The following DCLK2 variants were observed in gnomAD, a reference collection of about 807,000 sequenced individuals.
DCLK2 encodes the protein doublecortin like kinase 2.
In DCLK2, 31 loss-of-function variants were observed where a neutral mutation model predicts 78.4. That is an observed-to-expected ratio of 0.40 (90% CI 0.30 to 0.53). The LOEUF (loss-of-function observed/expected upper bound fraction) is 0.53, where lower values mean the gene tolerates loss of function less well. Ranked by LOEUF, DCLK2 falls within the 20% of genes least tolerant of loss-of-function variation. DCLK2 has a pLI of 0.61. For synonymous variants in DCLK2, 407 were observed against 374.9 expected, an observed-to-expected ratio of 1.09 and a Z score of -0.99; for missense variants, 872 against 973.7, an observed-to-expected ratio of 0.90 and a Z score of 1.39.
intron 2 of DCLK2, among the ~76,000 whole-genome samples, chr4:150,109,570 A>G (rs146760572): frequency 0.036 from 5,467 of 152,182 alleles, 205 homozygotes; most frequent in Admixed American, 0.084. Context: ...ATCTCCTGAC[A>G]TCGTGTTCCG....
At position 150,240,427 on chromosome 4, in the gene DCLK2, G is replaced by A. The variant is rs775186001; in HGVS notation, c.1729G>A (p.Ala577Thr). Reference protein sequence around the residue: ...GYGLKVDIWAAGVITYILLCG... With the variant: ...GYGLKVDIWATGVITYILLCG... ...TGGCCTGAAGGTGGACATTTGGGCA[G>A]CTGGTGTGATCACATACATACTTCT... is the stretch of plus-strand genomic sequence containing the variant. The change falls in exon 12 of 16, where the codon GCT becomes ACT. Residue 577 changes from alanine to threonine, a missense_variant. By Grantham distance (58) the Ala-to-Thr change is moderately conservative. Coordinates refer to ENST00000296550, the MANE Select transcript of DCLK2 (RefSeq NM_001040260.4). 4.3e-6 allele frequency: 7 copies of A among 1,613,850 alleles called. No individual in the cohort carries two copies. Among genetic ancestry groups the A allele is most frequent in the Non-Finnish European group, 5.9e-6 (7 of 1,179,882 alleles).
intron 1 of DCLK2, among the ~76,000 whole-genome samples, chr4:150,100,343 T>C (rs1730801232): frequency 6.6e-6 from 1 of 152,248 alleles, no homozygotes; most frequent in Non-Finnish European, 1.5e-5. Context: ...TCTGAACTTG[T>C]GTAAGGAAAC....
At position 150,244,928 on chromosome 4, in the gene DCLK2, G is replaced by A. The variant is rs546678477; in HGVS notation, c.1779-2675G>A. Reference sequence around the variant, plus strand: ...TTAGCTATTTATTAACAAAATAAAAGCTGTATACATTAACAAAATATAAGA... The same window carrying A: ...TTAGCTATTTATTAACAAAATAAAAACTGTATACATTAACAAAATATAAGA... On this transcript the variant is annotated intron_variant, in intron 12 of 15. Transcript: ENST00000296550. Among the ~76,000 whole-genome samples the A allele has an allele frequency of 7.2e-5, 11 of 152,168 alleles. No homozygotes were observed. The South Asian group carries it at 2.3e-3, about 32-fold the overall frequency.
At chr4:150,203,417 A>T (rs928223852) in intron 4 of DCLK2, among the ~76,000 whole-genome samples, 8 of 152,260 alleles carry the variant, frequency 5.3e-5, no homozygotes, top group African/African-American at 1.9e-4. Context: ...AAGATAGTGG[A>T]TATTGAAGGT....
intron 14 of DCLK2, among the ~76,000 whole-genome samples, chr4:150,248,820 C>A (rs1049067414): frequency 6.6e-6 from 1 of 152,116 alleles, no homozygotes; most frequent in Admixed American, 6.5e-5. Context: ...GAGGCTGAGA[C>A]AGGATCGCTT....
intron 5 of DCLK2, among the ~76,000 whole-genome samples, chr4:150,220,419 A>G (rs1560882166): frequency 6.6e-6 from 1 of 152,214 alleles, no homozygotes; most frequent in Non-Finnish European, 1.5e-5. Context: ...TCCAGCTATC[A>G]TGCCATAGAG....
At position 150,199,070 on chromosome 4, in the gene DCLK2, A is replaced by T. The variant is rs372316666; in HGVS notation, c.961+967A>T. ...TACTCCAGTGCCTATTCTACAGCCAAATCCCCAGGTGAGCCATGACTATTG... is the reference window on the plus strand; with the variant it reads ...TACTCCAGTGCCTATTCTACAGCCATATCCCCAGGTGAGCCATGACTATTG... On this transcript the variant is annotated intron_variant, in intron 4 of 15. Coordinates refer to ENST00000296550, the MANE Select transcript of DCLK2 (RefSeq NM_001040260.4). 3.8e-6 allele frequency: 6 copies of T among 1,596,372 alleles called. No individual in the cohort carries two copies. The African/African-American group carries it at 5.3e-5, about 14-fold the overall frequency.
rs1580818674 is a variant in DCLK2 at position 150,256,193 on chromosome 4, T to A, written c.2247T>A (p.Pro749=). The change falls in exon 16 of 16, where the codon CCT becomes CCA. Residue 749 remains proline, a synonymous_variant. Coordinates refer to ENST00000296550, the MANE Select transcript of DCLK2 (RefSeq NM_001040260.4). ...TPPESPTPHP[P]PAAPGGERAG... is the part of the protein sequence containing the mutation. ...CGGAATCTCCCACCCCCCACCCTCC[T>A]CCCGCTGCCCCGGGTGGTGAGCGGG... 7.5e-7 allele frequency: 1 copy of A among 1,340,904 alleles called. No homozygotes were observed. Among genetic ancestry groups the A allele is most frequent in the Non-Finnish European group, 9.7e-7 (1 of 1,030,054 alleles). 83.1% of individuals were successfully genotyped at this position (1,340,904 alleles called of 1,614,324 possible).
chr4:150,156,337 A>G (rs1735266034), intron 2 of DCLK2, among the ~76,000 whole-genome samples: 1 of 152,036 alleles, frequency 6.6e-6, no homozygotes, highest in African/African-American at 2.4e-5. Flanking sequence ...TGTAATAAGA[A>G]GGAAGGTGTA....
intron 2 of DCLK2, among the ~76,000 whole-genome samples, chr4:150,175,022 A>ATATATATTTTTATATATT: frequency 2.1e-5 from 1 of 47,092 alleles, no homozygotes; most frequent in Non-Finnish European, 4.1e-5. Context: ...ATATATATAT[A>ATATATATTTTTATATATT]TATATATATA....
intron 1 of DCLK2, among the ~76,000 whole-genome samples, chr4:150,086,682 A>G (rs547510397): frequency 1.3e-5 from 2 of 151,836 alleles, no homozygotes; most frequent in East Asian, 3.9e-4. Flanking sequence ...AATTTTTTGT[A>G]TTTTTAGTAG....
chr4:150,121,786 A>G (rs1193581710), intron 2 of DCLK2, among the ~76,000 whole-genome samples: 1 of 152,212 alleles, frequency 6.6e-6, no homozygotes, highest in Non-Finnish European at 1.5e-5. Context: ...TGAAAGTTGA[A>G]ATGACTCCTT....
chr4:150,122,721 C>A (rs986584889), intron 2 of DCLK2, among the ~76,000 whole-genome samples: 5 of 152,196 alleles, frequency 3.3e-5, no homozygotes, highest in Non-Finnish European at 5.9e-5. Flanking sequence ...CCTGCACATT[C>A]TGCACATGTA....
chr4:150,113,687 A>G (rs1176215284), intron 2 of DCLK2, among the ~76,000 whole-genome samples: 1 of 139,764 alleles, frequency 7.2e-6, no homozygotes, highest in East Asian at 2.0e-4. Flanking sequence ...TATCTTTGCA[A>G]AGAACCAACC....
chr4:150,203,716 A>G, intron 4 of DCLK2, 79 bp from the exon 5 acceptor site: 2 of 1,163,986 alleles, frequency 1.7e-6, no homozygotes, highest in Non-Finnish European at 2.5e-6. Context: ...TATATTGTGC[A>G]TGCACCTAGT....
chr4:150,253,134 C>G (rs1280183653), intron 15 of DCLK2: 3 of 458,706 alleles, frequency 6.5e-6, no homozygotes, highest in Non-Finnish European at 1.4e-5. Context: ...ATCCTCCTCA[C>G]GTCACTGTGT....
chr4:150,198,907 A>T, intron 4 of DCLK2: 1 of 489,066 alleles, frequency 2.0e-6, no homozygotes, highest in Non-Finnish European at 3.5e-6. Flanking sequence ...TTCCCCTTTC[A>T]GCACCCCCCC....
intron 2 of DCLK2, among the ~76,000 whole-genome samples, chr4:150,191,512 T>C (rs1738449989): frequency 6.6e-6 from 1 of 151,782 alleles, no homozygotes; most frequent in African/African-American, 2.4e-5. Flanking sequence ...GAGCGGTTGG[T>C]GAGGAAAGGA....
At chr4:150,120,307 T>A (rs889548813) in intron 2 of DCLK2, among the ~76,000 whole-genome samples, 1 of 152,106 alleles carries the variant, frequency 6.6e-6, no homozygotes, top group Non-Finnish European at 1.5e-5. Context: ...AACTCAAAAT[T>A]TTATATGTGA....
Sources: allele counts gnomAD v4.1 joint callset (sites outside exome capture counted in the v4.1 genomes callset), GRCh38; gene constraint gnomAD v4.1.1; transcripts MANE v1.5; gene names NCBI Gene and HGNC (gene_info 2026-07-23, HGNC 2026-07-21).